PCDH9: variants seen among roughly 807,000 people sequenced by gnomAD.
PCDH9 encodes protocadherin 9, also known as protocadherin-9.
A neutral mutation model predicts 70.6 loss-of-function variants in PCDH9; 24 were observed. That is an observed-to-expected ratio of 0.34 (90% CI 0.25 to 0.48). PCDH9 has a LOEUF of 0.48. Ranked by LOEUF, PCDH9 falls within the 20% of genes least tolerant of loss-of-function variation. The probability of loss-of-function intolerance (pLI) is 0.99; values close to 1 mark genes in which losing one functional copy is unlikely to be tolerated. For synonymous variants in PCDH9, 562 were observed against 558.5 expected, an observed-to-expected ratio of 1.01 and a Z score of -0.09; for missense variants, 1,281 against 1,503.6, an observed-to-expected ratio of 0.85 and a Z score of 2.45.
At chr13:66,681,660 A>G (rs2078321560) in intron 3 of PCDH9, among the ~76,000 whole-genome samples, 1 of 152,010 alleles carries the variant, frequency 6.6e-6, no homozygotes, top group Admixed American at 6.6e-5. Context: ...CCTTTGCCTG[A>G]CTGCTTCCTT....
chr13:66,351,935 G>A (rs376468686), intron 4 of PCDH9, among the ~76,000 whole-genome samples: 2 of 151,174 alleles, frequency 1.3e-5, no homozygotes, highest in East Asian at 1.9e-4. Flanking sequence ...TGCCTCCCAC[G>A]TTCAAGTGAT....
chr13:66,468,587 T>C (rs192339156), intron 4 of PCDH9, among the ~76,000 whole-genome samples: 1 of 152,278 alleles, frequency 6.6e-6, no homozygotes, highest in Non-Finnish European at 1.5e-5. Flanking sequence ...ATGATAGTGA[T>C]GCTATTAAAT....
chr13:67,011,464 C>T (rs1453106919), intron 2 of PCDH9, among the ~76,000 whole-genome samples: 2 of 151,782 alleles, frequency 1.3e-5, no homozygotes, highest in South Asian at 2.1e-4. Flanking sequence ...GAATGCTTTT[C>T]ATTAGATATC....
At chr13:66,744,906 G>C (rs2079335106) in intron 3 of PCDH9, among the ~76,000 whole-genome samples, 1 of 152,124 alleles carries the variant, frequency 6.6e-6, no homozygotes, top group Non-Finnish European at 1.5e-5. Context: ...ATCTCAGAGA[G>C]AAAAGTTTTT....
intron 4 of PCDH9, among the ~76,000 whole-genome samples, chr13:66,396,927 T>C (rs1957110788): frequency 6.6e-6 from 1 of 152,118 alleles, no homozygotes; most frequent in African/African-American, 2.4e-5. Context: ...CCAAAATCAT[T>C]TGGATCAATA....
chr13:66,451,917 A>C (rs1958220753), intron 4 of PCDH9, among the ~76,000 whole-genome samples: 1 of 152,222 alleles, frequency 6.6e-6, no homozygotes, highest in Non-Finnish European at 1.5e-5. Context: ...ATCTTTTTCA[A>C]TACTTTTGAT....
At chr13:66,375,947 C>T (rs1311739706) in intron 4 of PCDH9, among the ~76,000 whole-genome samples, 2 of 152,018 alleles carry the variant, frequency 1.3e-5, no homozygotes, top group Non-Finnish European at 2.9e-5. Flanking sequence ...TACAGTGCAT[C>T]TAATAAGAAA....
chr13:66,743,707 A>C (rs1031750065), intron 3 of PCDH9, among the ~76,000 whole-genome samples: 1 of 152,208 alleles, frequency 6.6e-6, no homozygotes, highest in Non-Finnish European at 1.5e-5. Context: ...TGATCTAGCT[A>C]TTCTGCAAAG....
At chr13:66,466,094 G>C (rs1374725468) in intron 4 of PCDH9, among the ~76,000 whole-genome samples, 1 of 151,810 alleles carries the variant, frequency 6.6e-6, no homozygotes, top group Non-Finnish European at 1.5e-5. Context: ...ATTTCTCACA[G>C]AAACACAACT....
chr13:66,535,424 G>A (rs1441146028), intron 4 of PCDH9, among the ~76,000 whole-genome samples: 1 of 151,942 alleles, frequency 6.6e-6, no homozygotes, highest in Admixed American at 6.6e-5. Context: ...CTTGTTGAAA[G>A]TTTCTTAGAA....
intron 4 of PCDH9, among the ~76,000 whole-genome samples, chr13:66,459,008 G>A (rs2138447341): frequency 6.6e-6 from 1 of 152,038 alleles, no homozygotes; most frequent in South Asian, 2.1e-4. Context: ...AGTGTTTTTG[G>A]CAGGGGAGGG....
At chr13:66,389,714 A>G (rs1956986246) in intron 4 of PCDH9, among the ~76,000 whole-genome samples, 1 of 152,188 alleles carries the variant, frequency 6.6e-6, no homozygotes, top group African/African-American at 2.4e-5. Flanking sequence ...TCTAAATGTA[A>G]TATCAGATAA....
At chr13:66,366,723 T>C (rs2138206074) in intron 4 of PCDH9, among the ~76,000 whole-genome samples, 1 of 152,202 alleles carries the variant, frequency 6.6e-6, no homozygotes, top group African/African-American at 2.4e-5. Context: ...ACAGAGCTCC[T>C]AGACACATAA....
chr13:66,655,261 T>C (rs1301419598), intron 3 of PCDH9, among the ~76,000 whole-genome samples: 1 of 152,134 alleles, frequency 6.6e-6, no homozygotes, highest in Admixed American at 6.5e-5. Context: ...TAAAACTCTT[T>C]TTCTGATCAT....
intron 3 of PCDH9, among the ~76,000 whole-genome samples, chr13:66,747,004 T>C (rs528257173): frequency 1.1e-5 from 1 of 92,282 alleles, no homozygotes; most frequent in African/African-American, 3.1e-5. Context: ...AAACATTTTA[T>C]TCAAAAAAAC....
intron 3 of PCDH9, among the ~76,000 whole-genome samples, chr13:66,865,094 G>C (rs959228079): frequency 6.6e-6 from 1 of 152,096 alleles, no homozygotes; most frequent in African/African-American, 2.4e-5. Flanking sequence ...CTTTTATGAA[G>C]TTTTTGCTTC....
intron 3 of PCDH9, among the ~76,000 whole-genome samples, chr13:66,728,546 C>T (rs945920759): frequency 6.6e-6 from 1 of 152,048 alleles, no homozygotes; most frequent in Non-Finnish European, 1.5e-5. Flanking sequence ...CACAGGGATT[C>T]TATTTTTTGG....
intron 4 of PCDH9, among the ~76,000 whole-genome samples, chr13:66,379,321 T>C (rs1956800670): frequency 6.6e-6 from 1 of 152,188 alleles, no homozygotes; most frequent in Admixed American, 6.6e-5. Context: ...AGTGTGACAC[T>C]GGAGTATACA....
At chr13:67,074,414 G>C (rs983275846) in intron 2 of PCDH9, among the ~76,000 whole-genome samples, 1 of 152,086 alleles carries the variant, frequency 6.6e-6, no homozygotes, top group African/African-American at 2.4e-5. Context: ...CTCAAGAACT[G>C]TGATAAATAA....
Sources: allele counts gnomAD v4.1 joint callset (sites outside exome capture counted in the v4.1 genomes callset), GRCh38; gene constraint gnomAD v4.1.1; transcripts MANE v1.5; gene names NCBI Gene and HGNC (gene_info 2026-07-23, HGNC 2026-07-21).